Variants in IL1RAPL1 observed in about 807,000 individuals in gnomAD.
IL1RAPL1 encodes interleukin 1 receptor accessory protein like 1, also known as interleukin-1 receptor accessory protein-like 1.
In IL1RAPL1, 3 loss-of-function variants were observed where a neutral mutation model predicts 48.4. The ratio of observed to expected loss-of-function variants is 0.06; its 90% CI spans 0.03 to 0.16. The LOEUF is 0.16. Ranked by LOEUF, IL1RAPL1 falls within the 10% of genes least tolerant of loss-of-function variation. IL1RAPL1 has a pLI of 1.00. For synonymous variants in IL1RAPL1, 185 were observed against 187.7 expected, an observed-to-expected ratio of 0.99 and a Z score of 0.12; for missense variants, 349 against 530.6, an observed-to-expected ratio of 0.66 and a Z score of 3.36.
At chrX:28,612,945 A>G (rs1389059480) in intron 1 of IL1RAPL1, among the ~76,000 whole-genome samples, 2 of 112,070 alleles carry the variant, frequency 1.8e-5, no homozygotes, top group Non-Finnish European at 3.8e-5. Context: ...TTGAATGGCA[A>G]TGCTATCAAA....
chrX:29,266,989 A>C (rs1412477845), intron 2 of IL1RAPL1, among the ~76,000 whole-genome samples: 1 of 111,842 alleles, frequency 8.9e-6, no homozygotes, highest in Admixed American at 9.5e-5. Context: ...TCATAGCACC[A>C]ATCAGTCATG....
At chrX:29,712,707 A>G (rs888077082) in intron 6 of IL1RAPL1, among the ~76,000 whole-genome samples, 3 of 112,118 alleles carry the variant, frequency 2.7e-5, no homozygotes, top group African/African-American at 9.7e-5. Flanking sequence ...TGTGGAGTCT[A>G]CATTGGTGCA....
intron 6 of IL1RAPL1, among the ~76,000 whole-genome samples, chrX:29,727,973 T>C (rs1413529208): frequency 9.0e-6 from 1 of 111,331 alleles, no homozygotes; most frequent in Non-Finnish European, 1.9e-5. Context: ...AGTCTCGCTC[T>C]GTTGCCCAGG....
At chrX:28,772,728 T>A (rs1936322671) in intron 1 of IL1RAPL1, among the ~76,000 whole-genome samples, 1 of 112,113 alleles carries the variant, frequency 8.9e-6, no homozygotes. Flanking sequence ...TAGCATGACG[T>A]TATATTGGCA....
chrX:29,881,326 G>A (rs1200497617), intron 6 of IL1RAPL1, among the ~76,000 whole-genome samples: 2 of 111,085 alleles, frequency 1.8e-5, no homozygotes, highest in African/African-American at 6.5e-5. Context: ...CCAAAAGGAG[G>A]TCGCCTTATT....
intron 2 of IL1RAPL1, among the ~76,000 whole-genome samples, chrX:28,916,481 C>T (rs1923492735): frequency 8.9e-6 from 1 of 112,452 alleles, no homozygotes; most frequent in Non-Finnish European, 1.9e-5. Context: ...CTCCAGCGCT[C>T]TAGCCCAGAA....
At chrX:29,929,935 A>C (rs775386880) in intron 8 of IL1RAPL1, among the ~76,000 whole-genome samples, 1 of 111,963 alleles carries the variant, frequency 8.9e-6, no homozygotes, top group Non-Finnish European at 1.9e-5. Context: ...CAACTTAAAG[A>C]AATACATTAA....
intron 2 of IL1RAPL1, among the ~76,000 whole-genome samples, chrX:28,831,544 C>T (rs5943465): frequency 9.1e-6 from 1 of 109,488 alleles, no homozygotes; most frequent in Admixed American, 9.9e-5. Context: ...AGTTTGTCCT[C>T]TTTATTGGCT....
intron 5 of IL1RAPL1, among the ~76,000 whole-genome samples, chrX:29,495,173 T>A (rs1487795680): frequency 8.9e-6 from 1 of 112,187 alleles, no homozygotes; most frequent in African/African-American, 3.2e-5. Context: ...TCCCTTTGTA[T>A]CCTGTTTCAG....
chrX:29,509,821 A>G (rs1295586147), intron 5 of IL1RAPL1, among the ~76,000 whole-genome samples: 1 of 112,351 alleles, frequency 8.9e-6, no homozygotes, highest in Admixed American at 9.4e-5. Flanking sequence ...CGCTAGGTTA[A>G]TTTTCCTTTT....
intron 9 of IL1RAPL1, among the ~76,000 whole-genome samples, chrX:29,952,532 TGAA>T (rs1371614095): frequency 8.9e-6 from 1 of 112,209 alleles, no homozygotes; most frequent in Non-Finnish European, 1.9e-5. Flanking sequence ...GAATAGTTAA[TGAA>T]TATTTTAATT....
In IL1RAPL1 at chrX:29,201,422, TA is replaced by T. The variant is rs1369110733; in HGVS notation, c.83-81507del. On this transcript the variant is annotated intron_variant, in intron 2 of 10. Transcript: ENST00000378993. ...GTTTTTATAGTCATTGTAACACATTTAAAAAAAAATATGACGTTGTCTCTGT... is the reference window on the plus strand; with the variant it reads ...GTTTTTATAGTCATTGTAACACATTTAAAAAAAATATGACGTTGTCTCTGT... 4.8e-4 allele frequency among the ~76,000 whole-genome samples: 53 copies of T among 110,394 alleles called. No individual in the cohort carries two copies. In the South Asian group the frequency reaches 6.4e-3, roughly 13 times the overall value.
At chrX:29,311,016 A>T (rs1306824707) in intron 3 of IL1RAPL1, among the ~76,000 whole-genome samples, 1 of 111,925 alleles carries the variant, frequency 8.9e-6, no homozygotes, top group East Asian at 2.8e-4. Context: ...GACTGGATTA[A>T]AATGAAGTAT....
At chrX:29,725,667 C>T (rs781428509) in intron 6 of IL1RAPL1, among the ~76,000 whole-genome samples, 1 of 111,983 alleles carries the variant, frequency 8.9e-6, no homozygotes, top group Non-Finnish European at 1.9e-5. Flanking sequence ...CCACCACAAA[C>T]CCCTTAGCAG....
At chrX:29,618,556 G>C (rs1244631418) in intron 5 of IL1RAPL1, among the ~76,000 whole-genome samples, 1 of 111,766 alleles carries the variant, frequency 8.9e-6, no homozygotes, top group Non-Finnish European at 1.9e-5. Context: ...CCAGCTTCTA[G>C]AGGCTGCATT....
At chrX:29,252,725 ATGAG>A (rs763876702) in intron 2 of IL1RAPL1, among the ~76,000 whole-genome samples, 32 of 111,505 alleles carry the variant, frequency 2.9e-4, no homozygotes, top group Non-Finnish European at 5.3e-4. Flanking sequence ...GCCTTCATAT[ATGAG>A]TATGTTTTTA....
chrX:29,185,313 C>G, intron 2 of IL1RAPL1, among the ~76,000 whole-genome samples: 1 of 111,475 alleles, frequency 9.0e-6, no homozygotes, highest in Non-Finnish European at 1.9e-5. Context: ...TATATTCTTA[C>G]GTTTTGTTTT....
At chrX:29,338,359 G>A (rs989086359) in intron 3 of IL1RAPL1, among the ~76,000 whole-genome samples, 3 of 111,754 alleles carry the variant, frequency 2.7e-5, no homozygotes, top group Non-Finnish European at 5.6e-5. Context: ...TAAATTATAC[G>A]TTTGATTCTT....
chrX:28,691,521 A>G (rs1935178359), intron 1 of IL1RAPL1, among the ~76,000 whole-genome samples: 1 of 111,955 alleles, frequency 8.9e-6, no homozygotes, highest in African/African-American at 3.2e-5. Context: ...TCCTCCAGTC[A>G]CAATTGTCTT....
Sources: gnomAD v4.1 joint callset for allele counts (sites outside exome capture counted in the v4.1 genomes callset) on GRCh38, gnomAD v4.1.1 for gene constraint, MANE v1.5 for transcripts, NCBI Gene and HGNC (gene_info 2026-07-23, HGNC 2026-07-21) for gene names.